RALYL: variants seen among roughly 807,000 people sequenced by gnomAD.
RALYL encodes RNA-binding Raly-like protein.
RALYL carries 29 observed loss-of-function variants against 35.1 expected under a neutral mutation model. The ratio of observed to expected loss-of-function variants is 0.83; its 90% CI spans 0.61 to 1.13. The LOEUF (loss-of-function observed/expected upper bound fraction) is 1.13, where lower values mean the gene tolerates loss of function less well. Among genes scored for constraint, RALYL ranks in the 50% most tolerant of loss-of-function variants. RALYL has a pLI of 0.00. For synonymous variants in RALYL, 120 were observed against 127.6 expected (o/e 0.94, Z 0.40); for missense variants, 359 against 360.4 (o/e 1.00, Z 0.03).
At chr8:84,494,548 T>G (rs536731457) in intron 1 of RALYL, among the ~76,000 whole-genome samples, 1 of 152,278 alleles carries the variant, frequency 6.6e-6, no homozygotes, top group African/African-American at 2.4e-5. Flanking sequence ...TGGAATGGTT[T>G]TCCATTTGTT....
At chr8:84,375,264 T>A (rs972712310) in intron 1 of RALYL, among the ~76,000 whole-genome samples, 10 of 151,862 alleles carry the variant, frequency 6.6e-5, no homozygotes, top group Non-Finnish European at 1.3e-4. Context: ...TTCAGTATCT[T>A]GACTGCAACC....
At chr8:84,757,855 GAGA>G (rs1337952763) in intron 2 of RALYL, among the ~76,000 whole-genome samples, 9 of 152,092 alleles carry the variant, frequency 5.9e-5, no homozygotes, top group African/African-American at 2.2e-4. Context: ...TAAAAATTTA[GAGA>G]ATATTTCTAT....
chr8:84,514,090 T>TAAAAAAAAAA (rs57881021), intron 1 of RALYL, among the ~76,000 whole-genome samples: 64 of 41,082 alleles, frequency 1.6e-3, no homozygotes, highest in Non-Finnish European at 1.7e-3. Flanking sequence ...AGATTTCATC[T>TAAAAAAAAAA]AAAAAAAAAA....
In RALYL at chr8:84,359,850, A is replaced by G. The variant is rs562185192; in HGVS notation, c.-23-169449A>G. ...CACATGGCTTTTTATATTTAAATTA[A>G]TGAAAATGAAATACAATTAAAAATA... On this transcript the variant is annotated intron_variant, in intron 1 of 8. Coordinates refer to ENST00000521268, the MANE Select transcript of RALYL (RefSeq NM_173848.7). Among the ~76,000 whole-genome samples the G allele has an allele frequency of 2.6e-5, 4 of 152,030 alleles. No individual in the cohort carries two copies. The South Asian group carries it at 8.3e-4, about 32-fold the overall frequency.
intron 1 of RALYL, among the ~76,000 whole-genome samples, chr8:84,238,349 A>G (rs181693489): frequency 6.6e-6 from 1 of 150,944 alleles, no homozygotes; most frequent in African/African-American, 2.5e-5. Context: ...CTGTCCATAC[A>G]TATATATGTA....
chr8:84,777,185 C>A (rs1291544836), intron 3 of RALYL, among the ~76,000 whole-genome samples: 2 of 152,148 alleles, frequency 1.3e-5, no homozygotes, highest in African/African-American at 4.8e-5. Flanking sequence ...TTGTTCAAGA[C>A]AAGATCACAG....
intron 2 of RALYL, among the ~76,000 whole-genome samples, chr8:84,566,592 C>G (rs1436814343): frequency 6.6e-6 from 1 of 151,546 alleles, no homozygotes; most frequent in African/African-American, 2.4e-5. Context: ...GTTCAGAAAT[C>G]ATGCAACTAA....
At chr8:84,809,794 G>A (rs1170814853) in intron 4 of RALYL, among the ~76,000 whole-genome samples, 1 of 152,012 alleles carries the variant, frequency 6.6e-6, no homozygotes, top group African/African-American at 2.4e-5. Flanking sequence ...AGCCTTAAAT[G>A]ATCTTTCGTA....
At chr8:84,725,268 A>T (rs960694554) in intron 2 of RALYL, among the ~76,000 whole-genome samples, 1 of 151,740 alleles carries the variant, frequency 6.6e-6, no homozygotes, top group African/African-American at 2.4e-5. Context: ...ATATGAAAGT[A>T]CATTGCTATG....
In RALYL at chr8:84,676,627, C is replaced by T. The variant is rs372741486; in HGVS notation, c.257-97952C>T. The stretch of plus-strand genomic sequence containing the variant: ...AGGTCCCCACCCAATCCTAAAACAG[C>T]CTTCTGGATTTCAAGAAGCTATATA... On this transcript the variant is annotated intron_variant, in intron 2 of 8. Coordinates refer to ENST00000521268, the MANE Select transcript of RALYL (RefSeq NM_173848.7). Among the ~76,000 whole-genome samples, 63 of 152,184 alleles carry T rather than the reference C, an allele frequency of 4.1e-4. No homozygotes were observed. The South Asian group carries it at 0.013, about 31-fold the overall frequency.
intron 1 of RALYL, among the ~76,000 whole-genome samples, chr8:84,228,150 C>G (rs1320387212): frequency 1.5e-5 from 1 of 68,598 alleles, no homozygotes; most frequent in Non-Finnish European, 2.5e-5. Flanking sequence ...AAAGAATAGT[C>G]TAGCAAAAAA....
intron 1 of RALYL, among the ~76,000 whole-genome samples, chr8:84,321,554 C>T (rs1844812238): frequency 6.6e-6 from 1 of 152,094 alleles, no homozygotes; most frequent in Admixed American, 6.6e-5. Context: ...GGTTTTACAT[C>T]CTGTGGAACT....
chr8:84,328,302 G>C (rs60990495), intron 1 of RALYL, among the ~76,000 whole-genome samples: 7,210 of 152,200 alleles, frequency 0.047, 266 homozygotes, highest in African/African-American at 0.083. Context: ...TTCCTAGGTT[G>C]TCTTAAACTT....
intron 2 of RALYL, among the ~76,000 whole-genome samples, chr8:84,693,116 C>T (rs1838400948): frequency 6.6e-6 from 1 of 151,872 alleles, no homozygotes; most frequent in Non-Finnish European, 1.5e-5. Flanking sequence ...CAATAGAAAA[C>T]TAATACACTC....
At chr8:84,497,987 T>G (rs1440659478) in intron 1 of RALYL, among the ~76,000 whole-genome samples, 1 of 151,828 alleles carries the variant, frequency 6.6e-6, no homozygotes, top group African/African-American at 2.4e-5. Flanking sequence ...CAACTTTATT[T>G]TAGAATTGAG....
intron 2 of RALYL, among the ~76,000 whole-genome samples, chr8:84,726,967 A>T (rs1034549520): frequency 2.0e-5 from 3 of 152,028 alleles, no homozygotes; most frequent in African/African-American, 7.2e-5. Context: ...AGTGTTTAAA[A>T]CTTGAAGGAT....
chr8:84,862,376 C>T lies in RALYL; in HGVS notation c.494C>T (p.Thr165Met), dbSNP rs745691095. The T allele has an allele frequency of 1.1e-5, 17 of 1,606,626 alleles. No individual in the cohort carries two copies. Among genetic ancestry groups the T allele is most frequent in the African/African-American group, 5.4e-5 (4 of 74,480 alleles). Residue 165 changes from threonine to methionine, a missense_variant, in exon 6 of 9, where the codon ACG becomes ATG. Coordinates refer to ENST00000521268, the MANE Select transcript of RALYL (RefSeq NM_173848.7). ...AAGCGTCCCAGAGTGGCAGTCACAACGACTCGCAGGGGGAAAGGAGTCTTT... is the reference window on the plus strand; with the variant it reads ...AAGCGTCCCAGAGTGGCAGTCACAATGACTCGCAGGGGGAAAGGAGTCTTT... ...PLKRPRVAVT[T>M]TRRGKGVFSM...
Position 84,744,910 on chromosome 8 carries a change from A to C in RALYL, c.257-29669A>C, listed in dbSNP as rs561443534. ...GTTTGAAACCATGAATTCTGTTGCAAAGTAATTGATATACTATTGAATAAT... is the reference window on the plus strand; with the variant it reads ...GTTTGAAACCATGAATTCTGTTGCACAGTAATTGATATACTATTGAATAAT... On this transcript the variant is annotated intron_variant, in intron 2 of 8. Transcript: ENST00000521268. Among the ~76,000 whole-genome samples the C allele has an allele frequency of 9.5e-4, 144 of 152,120 alleles. 2 individuals are homozygous for C. The highest frequency in any genetic ancestry group is 3.2e-4 in the Non-Finnish European group (22 of 67,954).
chr8:84,468,642 G>C (rs901402544), intron 1 of RALYL, among the ~76,000 whole-genome samples: 8 of 147,772 alleles, frequency 5.4e-5, no homozygotes, highest in African/African-American at 2.0e-4. Context: ...TCTTCTCGAG[G>C]AGTATCTTTG....
Sources: gnomAD v4.1 joint callset for allele counts (sites outside exome capture counted in the v4.1 genomes callset) on GRCh38, gnomAD v4.1.1 for gene constraint, MANE v1.5 for transcripts, NCBI Gene and HGNC (gene_info 2026-07-23, HGNC 2026-07-21) for gene names.